Variants in TFB1M observed in about 807,000 individuals in gnomAD.
TFB1M encodes the protein transcription factor B1, mitochondrial.
A neutral mutation model predicts 31.1 loss-of-function variants in TFB1M; 27 were observed. That is an observed-to-expected ratio of 0.87 (90% CI 0.64 to 1.20). TFB1M has a LOEUF of 1.20. Among genes scored for constraint, TFB1M ranks in the 50% most tolerant of loss-of-function variants. The probability of loss-of-function intolerance (pLI) is 0.00; values close to 1 mark genes in which losing one functional copy is unlikely to be tolerated. For missense variants in TFB1M, 394 were observed against 418.7 expected (o/e 0.94, Z 0.51); for synonymous variants, 166 against 151.8 (o/e 1.09, Z -0.69).
At chr6:155,277,632 G>T (rs1279273159) in intron 5 of TFB1M, among the ~76,000 whole-genome samples, 1 of 152,142 alleles carries the variant, frequency 6.6e-6, no homozygotes, top group East Asian at 1.9e-4. Flanking sequence ...ATTCTCTTCT[G>T]CAACAATGTC....
At chr6:155,265,737 T>TAA (rs1562389429) in intron 5 of TFB1M, among the ~76,000 whole-genome samples, 164 of 140,182 alleles carry the variant, frequency 1.2e-3, no homozygotes, top group African/African-American at 4.4e-3. Flanking sequence ...TAAATATATA[T>TAA]TATATATAAT....
chr6:155,232,405 G>C, the TFB1M span: 9 of 152,212 alleles, frequency 5.9e-5, no homozygotes, highest in East Asian at 1.7e-3. Flanking sequence ...AATGAACTGG[G>C]AATATTGTAA....
chr6:155,261,019 A>C (rs1434238524), intron 5 of TFB1M: 2 of 160,158 alleles, frequency 1.2e-5, no homozygotes, highest in Non-Finnish European at 2.8e-5. Context: ...GATAGTGTTT[A>C]AGCTACTGCC....
At chr6:155,252,047 T>C (rs757396552), downstream of TFB1M, 5 of 1,476,186 alleles carry the variant, frequency 3.4e-6, no homozygotes, top group Admixed American at 7.6e-5. Context: ...TTTTCATAGC[T>C]GTATCTTCCT....
At chr6:155,285,929 T>TTA (rs1776608324) in intron 4 of TFB1M, among the ~76,000 whole-genome samples, 1 of 152,170 alleles carries the variant, frequency 6.6e-6, no homozygotes. Flanking sequence ...TCCATATGTA[T>TTA]TATATATATA....
downstream of TFB1M, chr6:155,253,261 T>A: frequency 2.0e-6 from 1 of 509,646 alleles, no homozygotes; most frequent in South Asian, 3.5e-5. Flanking sequence ...CTTTGCCAAA[T>A]GCCTTTCATT....
chr6:155,314,469 C>A lies in TFB1M; in HGVS notation c.-41G>T, dbSNP rs780043754. On this transcript the variant is annotated 5_prime_UTR_variant, in exon 1 of 7. Coordinates refer to ENST00000367166, the MANE Select transcript of TFB1M (RefSeq NM_016020.4). Reference sequence around the variant, plus strand: ...CCATCCAACCCTACCTCACCCAGGACCTTCACCGCCGCTCCGAAAGAAACG... The same window carrying A: ...CCATCCAACCCTACCTCACCCAGGAACTTCACCGCCGCTCCGAAAGAAACG... 15 of 1,609,850 alleles carry A rather than the reference C, an allele frequency of 9.3e-6. No homozygotes were observed. In the South Asian group the frequency reaches 1.6e-4, roughly 18 times the overall value.
At chr6:155,287,326 G>A (rs1776706092) in intron 4 of TFB1M, among the ~76,000 whole-genome samples, 1 of 151,926 alleles carries the variant, frequency 6.6e-6, no homozygotes, top group African/African-American at 2.4e-5. Flanking sequence ...TTACACGGGC[G>A]ATAGGTATAA....
chr6:155,245,104 C>A, the TFB1M span, among the ~76,000 whole-genome samples: 1 of 152,220 alleles, frequency 6.6e-6, no homozygotes, highest in Non-Finnish European at 1.5e-5. Context: ...AGCTCCTACC[C>A]TGTGCCCAAT....
chr6:155,297,973 G>T (rs1777250510), intron 3 of TFB1M, among the ~76,000 whole-genome samples: 1 of 152,222 alleles, frequency 6.6e-6, no homozygotes, highest in South Asian at 2.1e-4. Flanking sequence ...CGTTTGTTCT[G>T]AGAGTCTGTT....
At chr6:155,237,331 A>T in the TFB1M span, among the ~76,000 whole-genome samples, 1 of 152,240 alleles carries the variant, frequency 6.6e-6, no homozygotes, top group African/African-American at 2.4e-5. Flanking sequence ...CTGTGGCTTT[A>T]AAGGATATAG....
chr6:155,245,762 T>TTTTTTG, the TFB1M span: 1 of 1,459,814 alleles, frequency 6.9e-7, no homozygotes, highest in Non-Finnish European at 9.3e-7. Context: ...ATAGTTTTTT[T>TTTTTTG]TTTTTTTTGC....
At chr6:155,252,010 C>T (rs1263274121), downstream of TFB1M, 3 of 1,597,572 alleles carry the variant, frequency 1.9e-6, no homozygotes, top group Non-Finnish European at 2.6e-6. Flanking sequence ...ATTGGTAAGG[C>T]AAAAATTCAT....
At chr6:155,279,835 T>C (rs1433616991) in intron 5 of TFB1M, among the ~76,000 whole-genome samples, 1 of 152,206 alleles carries the variant, frequency 6.6e-6, no homozygotes, top group Admixed American at 6.5e-5. Flanking sequence ...GAAGCATGCC[T>C]AGTACTGAAT....
chr6:155,304,721 G>T (rs1041706522), intron 2 of TFB1M, among the ~76,000 whole-genome samples: 1 of 151,760 alleles, frequency 6.6e-6, no homozygotes, highest in African/African-American at 2.4e-5. Flanking sequence ...CAGAAACAAT[G>T]CAAGTGAGAA....
At position 155,314,368 on chromosome 6, in the gene TFB1M, T is replaced by C; in HGVS notation, c.61A>G (p.Ile21Val). The C allele has an allele frequency of 1.2e-6, 2 of 1,614,228 alleles. No individual in the cohort carries two copies. Among genetic ancestry groups the C allele is most frequent in the South Asian group, 1.1e-5 (1 of 91,092 alleles). ...GCTTGCAGTCTTAACAACTTAATGA[T>C]TTCTCGAATCGTGGGCAACGGAGGG... ...RLPPLPTIREIIKLLRLQAAK... is the reference protein window; with the variant it reads ...RLPPLPTIREVIKLLRLQAAK... The change falls in exon 1 of 7, where the codon ATC (isoleucine) becomes GTC (valine). Residue 21 changes from isoleucine (I) to valine (V), a missense_variant. Ile to Val is a conservative substitution (Grantham distance 29, BLOSUM62 3). Coordinates refer to ENST00000367166, the MANE Select transcript of TFB1M (RefSeq NM_016020.4).
At chr6:155,283,310 A>G (rs933014461) in intron 5 of TFB1M, among the ~76,000 whole-genome samples, 15 of 152,180 alleles carry the variant, frequency 9.9e-5, no homozygotes, top group African/African-American at 3.1e-4. Flanking sequence ...GCACACCTAC[A>G]AGTCCTTGAT....
At chr6:155,268,966 AAG>A (rs1338602464) in intron 5 of TFB1M, among the ~76,000 whole-genome samples, 1 of 127,434 alleles carries the variant, frequency 7.8e-6, no homozygotes, top group Non-Finnish European at 1.6e-5. Flanking sequence ...AAAAAGAAAA[AAG>A]AAAAAAAATT....
the TFB1M span, chr6:155,244,112 T>G: frequency 1.9e-6 from 3 of 1,590,400 alleles, no homozygotes; most frequent in African/African-American, 2.7e-5. Context: ...TGTCCAGTGA[T>G]CCACAGGTTA....
Sources: allele counts gnomAD v4.1 joint callset (sites outside exome capture counted in the v4.1 genomes callset), GRCh38; gene constraint gnomAD v4.1.1; transcripts MANE v1.5; gene names NCBI Gene and HGNC (gene_info 2026-07-23, HGNC 2026-07-21).